Variants in GRID1 observed in about 807,000 individuals in gnomAD.
The protein encoded by GRID1 is glutamate ionotropic receptor delta type subunit 1.
A neutral mutation model predicts 98.0 loss-of-function variants in GRID1; 28 were observed. The ratio of observed to expected loss-of-function variants is 0.29; its 90% CI spans 0.21 to 0.39. The LOEUF (loss-of-function observed/expected upper bound fraction) is 0.39. Ranked by LOEUF, GRID1 falls within the 10% of genes least tolerant of loss-of-function variation. The probability of loss-of-function intolerance (pLI) is 1.00; values close to 1 mark genes in which losing one functional copy is unlikely to be tolerated. For missense variants in GRID1, 1,111 were observed against 1,340.5 expected, an observed-to-expected ratio of 0.83 and a Z score of 2.67; for synonymous variants, 553 against 538.5, an observed-to-expected ratio of 1.03 and a Z score of -0.37.
At chr10:86,314,479 C>T (rs1847872982) in intron 2 of GRID1, among the ~76,000 whole-genome samples, 1 of 152,244 alleles carries the variant, frequency 6.6e-6, no homozygotes, top group African/African-American at 2.4e-5. Context: ...GCTGTGCTTA[C>T]AGAGCCTGGC....
intron 8 of GRID1, among the ~76,000 whole-genome samples, chr10:85,809,150 G>A (rs920583898): frequency 2.6e-5 from 4 of 151,846 alleles, no homozygotes; most frequent in East Asian, 1.9e-4. Context: ...GACGTGACTC[G>A]TTAACCTATA....
chr10:86,165,507 G>C (rs1485004826), intron 3 of GRID1, among the ~76,000 whole-genome samples: 1 of 152,218 alleles, frequency 6.6e-6, no homozygotes, highest in Non-Finnish European at 1.5e-5. Context: ...GGGAGGTGTT[G>C]AGCCAGGGCT....
At chr10:85,943,940 G>C (rs779770287) in intron 4 of GRID1, among the ~76,000 whole-genome samples, 58 of 152,208 alleles carry the variant, frequency 3.8e-4, no homozygotes, top group Non-Finnish European at 7.6e-4. Context: ...CATAACCTGA[G>C]CAGAGACTTT....
chr10:86,263,693 A>G (rs1454914866), intron 2 of GRID1, among the ~76,000 whole-genome samples: 13 of 152,110 alleles, frequency 8.5e-5, no homozygotes. Context: ...TTGAGTCACT[A>G]TTTATAAAGT....
intron 8 of GRID1, among the ~76,000 whole-genome samples, chr10:85,735,850 A>G (rs553604475): frequency 5.2e-5 from 7 of 135,298 alleles, no homozygotes; most frequent in Admixed American, 2.2e-4. Flanking sequence ...GGAAGGGAGG[A>G]AGGAAGGAAG....
chr10:85,855,319 G>T (rs956772542), intron 7 of GRID1, among the ~76,000 whole-genome samples: 1 of 152,208 alleles, frequency 6.6e-6, no homozygotes, highest in Admixed American at 6.5e-5. Flanking sequence ...AGGGAGCCGT[G>T]GTGAGCCCCT....
intron 4 of GRID1, among the ~76,000 whole-genome samples, chr10:85,962,597 A>G (rs1358826298): frequency 6.6e-6 from 1 of 152,170 alleles, no homozygotes. Flanking sequence ...AACAGCTCCC[A>G]GTGGGGATCC....
At chr10:86,040,382 A>G (rs1365343334) in intron 4 of GRID1, among the ~76,000 whole-genome samples, 1 of 152,154 alleles carries the variant, frequency 6.6e-6, no homozygotes, top group East Asian at 1.9e-4. Context: ...TGTTATACAT[A>G]AAACAGAATA....
At chr10:86,200,857 T>C (rs185629136) in intron 3 of GRID1, among the ~76,000 whole-genome samples, 2 of 152,088 alleles carry the variant, frequency 1.3e-5, no homozygotes, top group East Asian at 3.9e-4. Context: ...ATCAAGAAAA[T>C]GTACATTAAA....
At chr10:85,776,555 A>C (rs1842333299) in intron 8 of GRID1, among the ~76,000 whole-genome samples, 1 of 152,162 alleles carries the variant, frequency 6.6e-6, no homozygotes, top group Non-Finnish European at 1.5e-5. Flanking sequence ...TGAGACCTCC[A>C]CATAGCCAGC....
At chr10:86,017,124 T>A (rs1842990244) in intron 4 of GRID1, among the ~76,000 whole-genome samples, 1 of 152,204 alleles carries the variant, frequency 6.6e-6, no homozygotes, top group African/African-American at 2.4e-5. Flanking sequence ...TGGTTTCCAA[T>A]TTGACCCCAA....
chr10:86,182,390 C>T (rs1303448235), intron 3 of GRID1, among the ~76,000 whole-genome samples: 1 of 152,242 alleles, frequency 6.6e-6, no homozygotes, highest in African/African-American at 2.4e-5. Context: ...AAGGAACAAA[C>T]TGCTCCACAG....
At chr10:85,836,017 T>C (rs1842909063) in intron 8 of GRID1, among the ~76,000 whole-genome samples, 1 of 152,096 alleles carries the variant, frequency 6.6e-6, no homozygotes, top group Non-Finnish European at 1.5e-5. Context: ...TATTAAATTA[T>C]GTAAAATGCA....
intron 4 of GRID1, among the ~76,000 whole-genome samples, chr10:85,967,622 A>G (rs977207452): frequency 1.3e-5 from 2 of 152,252 alleles, no homozygotes; most frequent in African/African-American, 2.4e-5. Context: ...ATCTCACCAA[A>G]TGGAGAATGT....
At chr10:85,623,157 G>A (rs1842876176) in intron 13 of GRID1, among the ~76,000 whole-genome samples, 1 of 152,148 alleles carries the variant, frequency 6.6e-6, no homozygotes, top group South Asian at 2.1e-4. Context: ...TGAGTAAAAG[G>A]CAGTGCTGAG....
At chr10:85,675,872 G>T (rs1841139247) in intron 12 of GRID1, among the ~76,000 whole-genome samples, 1 of 152,120 alleles carries the variant, frequency 6.6e-6, no homozygotes, top group East Asian at 1.9e-4. Context: ...TGTCCATGTT[G>T]CTTTGGGTGT....
intron 4 of GRID1, among the ~76,000 whole-genome samples, chr10:86,055,039 T>C (rs1463468495): frequency 6.6e-6 from 1 of 152,180 alleles, no homozygotes; most frequent in East Asian, 1.9e-4. Context: ...TGGAAGACCA[T>C]GTGGAGAAAA....
intron 4 of GRID1, among the ~76,000 whole-genome samples, chr10:86,056,810 G>A (rs1843579999): frequency 6.6e-6 from 1 of 152,204 alleles, no homozygotes; most frequent in Admixed American, 6.5e-5. Context: ...ATGGCAGCCT[G>A]GCAGGCCCTT....
intron 6 of GRID1, among the ~76,000 whole-genome samples, chr10:85,858,727 C>T (rs1208762521): frequency 6.6e-6 from 1 of 152,146 alleles, no homozygotes; most frequent in African/African-American, 2.4e-5. Flanking sequence ...GTCTACCAGC[C>T]ACCAACTGAT....
Sources: gnomAD v4.1 joint callset for allele counts (sites outside exome capture counted in the v4.1 genomes callset) on GRCh38, gnomAD v4.1.1 for gene constraint, MANE v1.5 for transcripts, NCBI Gene and HGNC (gene_info 2026-07-23, HGNC 2026-07-21) for gene names.